ARPP21: variants seen among roughly 807,000 people sequenced by gnomAD.
The protein encoded by ARPP21 is cAMP regulated phosphoprotein 21.
ARPP21 carries 69 observed loss-of-function variants against 113.2 expected under a neutral mutation model. The observed-to-expected ratio is 0.61, with a 90% CI of 0.50 to 0.74. The LOEUF is 0.74. ARPP21 is among the 30% of genes least tolerant of loss of function. The pLI is 0.00. For missense variants in ARPP21, 1,070 were observed against 1,037.4 expected, an observed-to-expected ratio of 1.03 and a Z score of -0.43; for synonymous variants, 368 against 375.5, an observed-to-expected ratio of 0.98 and a Z score of 0.23.
intron 1 of ARPP21, among the ~76,000 whole-genome samples, chr3:35,673,220 C>T (rs1402402664): frequency 2.6e-5 from 4 of 152,036 alleles, no homozygotes; most frequent in African/African-American, 4.8e-5. Context: ...AGCATACATC[C>T]GTTTCTGCTA....
At chr3:35,779,105 T>A (rs2096461436) in intron 19 of ARPP21, among the ~76,000 whole-genome samples, 1 of 152,220 alleles carries the variant, frequency 6.6e-6, no homozygotes, top group South Asian at 2.1e-4. Flanking sequence ...TCTTTCTCCC[T>A]AATGGCTTAC....
At chr3:35,717,481 TA>T in intron 13 of ARPP21, 124 bp downstream of exon 13, 1 of 628,074 alleles carries the variant, frequency 1.6e-6, no homozygotes, top group South Asian at 2.0e-5. Context: ...TATCTCTTTG[TA>T]AAGCTTGTTA....
intron 19 of ARPP21, among the ~76,000 whole-genome samples, chr3:35,759,676 C>CTGTGTGTGTGTGTGTGTG (rs57456659): frequency 2.1e-3 from 297 of 140,890 alleles, no homozygotes; most frequent in Non-Finnish European, 3.9e-3. Context: ...TTTTCTCTCT[C>CTGTGTGTGTGTGTGTGTG]TGTGTGTGTG....
chr3:35,760,709 T>C (rs2095741529), intron 19 of ARPP21, among the ~76,000 whole-genome samples: 1 of 152,112 alleles, frequency 6.6e-6, no homozygotes, highest in African/African-American at 2.4e-5. Flanking sequence ...ATCATGGCAC[T>C]GTGGATATTA....
Position 35,793,715 on chromosome 3 carries a change from G to A in ARPP21, c.2301G>A (p.Gln767=). The A allele has an allele frequency of 2.5e-6, 4 of 1,613,710 alleles. No individual in the cohort carries two copies. The highest frequency in any genetic ancestry group is 2.5e-6 in the Non-Finnish European group (3 of 1,179,656). ...TCTTTTTACAGGTGCCAATGACCCA[G>A]GGTTCTCAAGGACTGCCCCAGCAGT... ...TMSSYQVPMT[Q]GSQGLPQQSY... Residue 767 remains glutamine (Q), a synonymous_variant, in exon 21 of 21, where the codon CAG becomes CAA. Coordinates refer to ENST00000684406, the MANE Select transcript of ARPP21 (RefSeq NM_001385562.1).
intron 18 of ARPP21, among the ~76,000 whole-genome samples, chr3:35,742,030 C>A (rs1443707985): frequency 6.6e-6 from 1 of 152,134 alleles, no homozygotes; most frequent in East Asian, 1.9e-4. Context: ...CAAACAACAA[C>A]AAAAATTGAG....
intron 15 of ARPP21, among the ~76,000 whole-genome samples, chr3:35,730,931 A>T (rs2093915649): frequency 6.6e-6 from 1 of 152,206 alleles, no homozygotes; most frequent in East Asian, 1.9e-4. Context: ...TTCAGATTAG[A>T]TATTTCTAAG....
chr3:35,703,850 G>C (rs2087540103), intron 9 of ARPP21, among the ~76,000 whole-genome samples: 1 of 151,718 alleles, frequency 6.6e-6, no homozygotes, highest in African/African-American at 2.4e-5. Context: ...TCATTTTATT[G>C]CTTAGAAATA....
At chr3:35,708,177 G>T (rs2089902800) in intron 10 of ARPP21, among the ~76,000 whole-genome samples, 1 of 152,078 alleles carries the variant, frequency 6.6e-6, no homozygotes, top group Non-Finnish European at 1.5e-5. Flanking sequence ...TGTTTAGTGG[G>T]TGTCTGTTGA....
chr3:35,757,069 A>ATTTTT (rs142766845), intron 19 of ARPP21, among the ~76,000 whole-genome samples: 1 of 137,048 alleles, frequency 7.3e-6, no homozygotes, highest in Non-Finnish European at 1.6e-5. Context: ...CCTTTTAGTG[A>ATTTTT]TTTTTTTTTT....
At chr3:35,785,430 C>T (rs911751425) in intron 19 of ARPP21, among the ~76,000 whole-genome samples, 3 of 152,094 alleles carry the variant, frequency 2.0e-5, no homozygotes, top group African/African-American at 7.2e-5. Flanking sequence ...GCTGGCTTCC[C>T]TTGGAGGCAT....
intron 1 of ARPP21, among the ~76,000 whole-genome samples, chr3:35,667,680 T>C (rs1280166077): frequency 6.6e-6 from 1 of 151,956 alleles, no homozygotes; most frequent in East Asian, 1.9e-4. Flanking sequence ...GTCCTTCTAG[T>C]TAATTAAAAG....
intron 11 of ARPP21, among the ~76,000 whole-genome samples, chr3:35,712,736 G>A (rs1479350425): frequency 6.6e-6 from 1 of 152,048 alleles, no homozygotes; most frequent in Non-Finnish European, 1.5e-5. Flanking sequence ...ATAGTTGTAA[G>A]TCAAAACAAC....
chr3:35,750,135 G>A (rs1455688633), intron 19 of ARPP21, among the ~76,000 whole-genome samples: 2 of 121,546 alleles, frequency 1.6e-5, no homozygotes, highest in African/African-American at 3.0e-5. Flanking sequence ...TTTTTTTGGT[G>A]GTTTCTTGAG....
intron 16 of ARPP21, among the ~76,000 whole-genome samples, chr3:35,737,611 T>C (rs1009136109): frequency 1.3e-5 from 2 of 152,186 alleles, no homozygotes; most frequent in African/African-American, 4.8e-5. Flanking sequence ...AAATGATTTT[T>C]TCTTAGGTCT....
intron 19 of ARPP21, among the ~76,000 whole-genome samples, chr3:35,758,284 G>T (rs576408576): frequency 6.6e-6 from 1 of 151,882 alleles, no homozygotes; most frequent in African/African-American, 2.4e-5. Context: ...CATATACTTG[G>T]GGGGCGGGGG....
rs1252428088 is a variant in ARPP21, at chr3:35,723,082, T to C, written c.1225+1248T>C. 3.3e-5 allele frequency among the ~76,000 whole-genome samples: 5 copies of C among 152,238 alleles called. No homozygotes were observed. In the East Asian group the frequency reaches 7.8e-4, roughly 24 times the overall value. On this transcript the variant is annotated intron_variant, in intron 14 of 20. Transcript: ENST00000684406. ...TGTATGCTCTGGGTGTCAGATTGTATGGGTGGAGCATTCAGGCTCCTGAAG... is the reference window on the plus strand; with the variant it reads ...TGTATGCTCTGGGTGTCAGATTGTACGGGTGGAGCATTCAGGCTCCTGAAG...
Position 35,657,490 on chromosome 3 carries a change from A to G in ARPP21, c.-213+17092A>G, listed in dbSNP as rs187894711. ...CAGTGAACGAGTTAATAGCTAATAC[A>G]CTTATAATGGCAACTCTGTGTGAAG... On this transcript the variant is annotated intron_variant, in intron 1 of 20. Coordinates refer to ENST00000684406, the MANE Select transcript of ARPP21 (RefSeq NM_001385562.1). 2.9e-3 allele frequency among the ~76,000 whole-genome samples: 444 copies of G among 152,272 alleles called. 1 individual carries two copies. Among genetic ancestry groups the G allele is most frequent in the Admixed American group, 8.9e-3 (136 of 15,288 alleles).
chr3:35,676,395 G>A (rs1229064252), intron 1 of ARPP21, among the ~76,000 whole-genome samples: 1 of 71,924 alleles, frequency 1.4e-5, no homozygotes, highest in Non-Finnish European at 3.1e-5. Flanking sequence ...TTTATAAAAT[G>A]TCAGGCTCTT....
Sources: gnomAD v4.1 joint callset for allele counts (sites outside exome capture counted in the v4.1 genomes callset) on GRCh38, gnomAD v4.1.1 for gene constraint, MANE v1.5 for transcripts, NCBI Gene and HGNC (gene_info 2026-07-23, HGNC 2026-07-21) for gene names.